Variants in TENT5D observed in about 807,000 individuals in gnomAD.
The protein encoded by TENT5D is cancer/testis antigen 112.
For synonymous variants in TENT5D, 103 were observed against 100.6 expected (o/e 1.02, Z -0.15); for missense variants, 191 against 287.0 (o/e 0.67, Z 2.42).
At chrX:80,379,205 T>A in intron 3 of TENT5D, among the ~76,000 whole-genome samples, 1 of 106,135 alleles carries the variant, frequency 9.4e-6, no homozygotes, top group East Asian at 3.0e-4. Flanking sequence ...ATTGAGATAA[T>A]CATGTGGTTT....
intron 3 of TENT5D, among the ~76,000 whole-genome samples, chrX:80,408,500 G>A (rs1275682661): frequency 2.7e-5 from 3 of 109,608 alleles, no homozygotes; most frequent in African/African-American, 6.6e-5. Context: ...AAATCTAGAA[G>A]AAATGGATAA....
At chrX:80,414,921 T>C (rs895891719) in intron 3 of TENT5D, among the ~76,000 whole-genome samples, 1 of 112,139 alleles carries the variant, frequency 8.9e-6, no homozygotes, top group East Asian at 2.8e-4. Context: ...TTTTCCTATA[T>C]ATGAACATGA....
At chrX:80,394,391 C>CTTTTTT (rs35632962) in intron 3 of TENT5D, among the ~76,000 whole-genome samples, 85 of 36,658 alleles carry the variant, frequency 2.3e-3, no homozygotes, top group East Asian at 2.7e-3. Flanking sequence ...AGGTCCTTTC[C>CTTTTTT]TTTTTTTTTT....
chrX:80,384,137 A>G (rs1421495659), intron 3 of TENT5D, among the ~76,000 whole-genome samples: 1 of 104,767 alleles, frequency 9.5e-6, no homozygotes, highest in Non-Finnish European at 2.0e-5. Context: ...AGAATTTTAG[A>G]CCAATATCCC....
At chrX:80,442,435 T>C in intron 2 of TENT5D, 87 bp from the exon 3 acceptor site, 2 of 577,877 alleles carry the variant, frequency 3.5e-6, no homozygotes, top group East Asian at 7.2e-5. Context: ...ATGTTGAGGG[T>C]AAGTCTATTT....
At chrX:80,415,949 T>C (rs1422329698), upstream of TENT5D, among the ~76,000 whole-genome samples, 2 of 111,679 alleles carry the variant, frequency 1.8e-5, no homozygotes, top group Non-Finnish European at 3.8e-5. Context: ...TTAGGCTTTT[T>C]ATTACTGATT....
intron 3 of TENT5D, among the ~76,000 whole-genome samples, chrX:80,395,318 A>G (rs1049074646): frequency 1.8e-5 from 2 of 112,352 alleles, no homozygotes; most frequent in African/African-American, 3.2e-5. Context: ...TAGTGCTGCC[A>G]TAAGTATGGG....
At chrX:80,360,756 C>A (rs1389449850) in intron 3 of TENT5D, among the ~76,000 whole-genome samples, 1 of 111,465 alleles carries the variant, frequency 9.0e-6, no homozygotes, top group Non-Finnish European at 1.9e-5. Flanking sequence ...TTGGAAGAAC[C>A]AAGGAAACTC....
chrX:80,360,716 C>A (rs1930390360), intron 3 of TENT5D, among the ~76,000 whole-genome samples: 1 of 111,661 alleles, frequency 9.0e-6, no homozygotes, highest in African/African-American at 3.3e-5. Context: ...AGCTCAGATT[C>A]TCTGGATATT....
exon 3 of TENT5D, chrX:80,444,737 T>A (rs940292484): frequency 8.1e-6 from 1 of 123,053 alleles, no homozygotes; most frequent in African/African-American, 3.2e-5. Context: ...GCCACTCAAG[T>A]GCCTCTTCGT....
At chrX:80,349,264 T>C (rs1310217430) in intron 3 of TENT5D, among the ~76,000 whole-genome samples, 1 of 111,883 alleles carries the variant, frequency 8.9e-6, no homozygotes, top group Non-Finnish European at 1.9e-5. Flanking sequence ...TCTGGTAGAA[T>C]TCGGCTGTTA....
At chrX:80,362,035 A>G (rs146063461) in intron 3 of TENT5D, among the ~76,000 whole-genome samples, 2,530 of 111,050 alleles carry the variant, frequency 0.023, 129 homozygotes, top group Admixed American at 0.15. Flanking sequence ...CTTTGTAGCC[A>G]TATGTACCAG....
chrX:80,441,073 A>T (rs1056154811), intron 2 of TENT5D, among the ~76,000 whole-genome samples: 3 of 111,468 alleles, frequency 2.7e-5, no homozygotes, highest in African/African-American at 9.7e-5. Flanking sequence ...TGAAAGCCTG[A>T]TATGTAATCA....
chrX:80,377,562 A>G (rs921531084), intron 3 of TENT5D, among the ~76,000 whole-genome samples: 6 of 111,791 alleles, frequency 5.4e-5, no homozygotes, highest in African/African-American at 2.0e-4. Context: ...AAAGGACATG[A>G]ACTCATCATT....
At chrX:80,395,219 C>T (rs1931218141) in intron 3 of TENT5D, among the ~76,000 whole-genome samples, 1 of 112,063 alleles carries the variant, frequency 8.9e-6, no homozygotes, top group South Asian at 3.7e-4. Flanking sequence ...ATGGTTGAGT[C>T]ATACTCCATT....
chrX:80,388,407 T>C (rs1229149578), intron 3 of TENT5D, among the ~76,000 whole-genome samples: 2 of 111,965 alleles, frequency 1.8e-5, no homozygotes, highest in Non-Finnish European at 3.8e-5. Flanking sequence ...ACTGGCCAGC[T>C]ACCACTGCTG....
intron 3 of TENT5D, among the ~76,000 whole-genome samples, chrX:80,392,176 C>T (rs184046103): frequency 9.0e-6 from 1 of 111,726 alleles, no homozygotes; most frequent in East Asian, 2.8e-4. Context: ...ATCCCTAACG[C>T]TTGGTAAGAG....
intron 3 of TENT5D, among the ~76,000 whole-genome samples, chrX:80,368,908 A>C (rs1930563551): frequency 9.0e-6 from 1 of 111,704 alleles, no homozygotes; most frequent in Admixed American, 9.6e-5. Context: ...TGCTTATATC[A>C]ACCTTTTTTT....
chrX:80,411,191 A>G (rs1434241520), intron 3 of TENT5D, among the ~76,000 whole-genome samples: 2 of 108,490 alleles, frequency 1.8e-5, no homozygotes, highest in Non-Finnish European at 1.9e-5. Context: ...ACATGTATAC[A>G]TATGTAACTA....
Sources: allele counts gnomAD v4.1 joint callset (sites outside exome capture counted in the v4.1 genomes callset), GRCh38; gene constraint gnomAD v4.1.1; transcripts MANE v1.5; gene names NCBI Gene and HGNC (gene_info 2026-07-23, HGNC 2026-07-21).